ZNF43: variants seen among roughly 807,000 people sequenced by gnomAD.
ZNF43 encodes zinc finger protein 43.
ZNF43 carries 44 observed loss-of-function variants against 68.4 expected under a neutral mutation model. The ratio of observed to expected loss-of-function variants is 0.64; its 90% CI spans 0.51 to 0.83. ZNF43 has a LOEUF of 0.83. Among genes scored for constraint, ZNF43 ranks in the 40% least tolerant of loss-of-function variants. The probability of loss-of-function intolerance (pLI) is 0.00; values close to 1 mark genes in which losing one functional copy is unlikely to be tolerated. For synonymous variants in ZNF43, 308 were observed against 307.8 expected, an observed-to-expected ratio of 1.00 and a Z score of -0.01; for missense variants, 896 against 933.2, an observed-to-expected ratio of 0.96 and a Z score of 0.52.
intron 1 of ZNF43, among the ~76,000 whole-genome samples, chr19:21,834,335 CA>C (rs34305940): frequency 0.41 from 35,392 of 86,282 alleles, 4,126 homozygotes; most frequent in African/African-American, 0.46. Flanking sequence ...AACACTGTCT[CA>C]AAAAAAAAAA....
At chr19:21,844,862 A>G (rs1967797526) in intron 1 of ZNF43, among the ~76,000 whole-genome samples, 1 of 131,628 alleles carries the variant, frequency 7.6e-6, no homozygotes, top group African/African-American at 2.9e-5. Flanking sequence ...GCTCCACTGC[A>G]CTCCAGCCTG....
At position 21,807,971 on chromosome 19, in the gene ZNF43, A is replaced by C; in HGVS notation, c.2066T>G (p.Leu689Arg). ...CTTATGTGTAGAAAGGGTTGAGGACAGTTTAAAAGCTTTGCCACATTCTTC... is the reference window on the plus strand; with the variant it reads ...CTTATGTGTAGAAAGGGTTGAGGACCGTTTAAAAGCTTTGCCACATTCTTC... ...KCEECGKAFK[L>R]SSTLSTHKII... Residue 689 changes from leucine (L) to arginine (R), a missense_variant, in exon 4 of 4, where the codon CTG becomes CGG. Coordinates refer to ENST00000354959, the MANE Select transcript of ZNF43 (RefSeq NM_003423.4). The C allele has an allele frequency of 1.3e-6, 2 of 1,598,314 alleles. No individual in the cohort carries two copies. Among genetic ancestry groups the C allele is most frequent in the Non-Finnish European group, 8.5e-7 (1 of 1,175,076 alleles).
At chr19:21,836,729 C>T (rs1967127831), upstream of ZNF43, among the ~76,000 whole-genome samples, 2 of 152,108 alleles carry the variant, frequency 1.3e-5, no homozygotes, top group Non-Finnish European at 2.9e-5. Context: ...GGACCACTGG[C>T]ATGTGGCCCC....
upstream of ZNF43, chr19:21,838,160 A>T (rs933878203): frequency 6.6e-6 from 1 of 152,178 alleles, no homozygotes; most frequent in Non-Finnish European, 1.5e-5. Flanking sequence ...CTAATTGTAA[A>T]GAAAGTATGT....
At position 21,807,570 on chromosome 19, in the gene ZNF43, C is replaced by G; in HGVS notation, c.*37G>C. 6.7e-7 allele frequency: 1 copy of G among 1,485,766 alleles called. No individual in the cohort carries two copies. 92.0% of individuals were successfully genotyped at this position (1,485,766 alleles called of 1,614,324 possible). A position where few individuals can be genotyped will look rare whatever the true frequency, so the allele number is the denominator to read the frequency against. ...TGACAACCATGTAAAGCCTTTATCA[C>G]ATTCTTTACATTTCTAGAATTTCTC... On this transcript the variant is annotated 3_prime_UTR_variant, in exon 4 of 4. Coordinates refer to ENST00000354959, the MANE Select transcript of ZNF43 (RefSeq NM_003423.4).
chr19:21,808,560 G>C lies in ZNF43; in HGVS notation c.1477C>G (p.Arg493Gly). 6.2e-7 allele frequency: 1 copy of C among 1,612,436 alleles called. No homozygotes were observed. The highest frequency in any genetic ancestry group is 8.5e-7 in the Non-Finnish European group (1 of 1,179,664). Reference protein sequence around the residue: ...KCEECGKAFSRSSNLTKHKKI... With the variant: ...KCEECGKAFSGSSNLTKHKKI... Reference sequence around the variant, plus strand: ...TTATGTTTAGTAAGGTTTGAGGACCGGCTAAAAGCTTTGCCACATTCTTCA... The same window carrying C: ...TTATGTTTAGTAAGGTTTGAGGACCCGCTAAAAGCTTTGCCACATTCTTCA... The change falls in exon 4 of 4, where the codon CGG (arginine) becomes GGG (glycine). Residue 493 changes from arginine (R) to glycine (G), a missense_variant. Transcript: ENST00000354959.
Position 21,807,684 on chromosome 19 carries a change from T to C in ZNF43, c.2353A>G (p.Thr785Ala). 1 of 1,608,972 alleles carries C rather than the reference T, an allele frequency of 6.2e-7. No homozygotes were observed. The highest frequency in any genetic ancestry group is 2.2e-5 in the East Asian group (1 of 44,742). ...SNLTTHNKIH[T>A]GEKLYKPEDV... ...TCAGGTTTGTAGAGTTTCTCTCCAG[T>C]ATGAATTTTGTTATGTGTAGTAAGG... is the stretch of plus-strand genomic sequence containing the variant. Residue 785 changes from threonine (T) to alanine (A), a missense_variant, in exon 4 of 4, where the codon ACT becomes GCT. By Grantham distance (58) the Thr-to-Ala change is moderately conservative. Transcript: ENST00000354959.
At chr19:21,844,988 A>G (rs1317159069) in intron 1 of ZNF43, among the ~76,000 whole-genome samples, 1 of 143,806 alleles carries the variant, frequency 7.0e-6, no homozygotes, top group African/African-American at 2.6e-5. Context: ...AAGAGTGAGC[A>G]GGAGAGTCAC....
Position 21,805,377 on chromosome 19 carries a change from T to TAGTG in ZNF43, c.*2229_*2230insCACT, listed in dbSNP as rs1446919565. The TAGTG allele has an allele frequency of 6.6e-6, 1 of 152,170 alleles. No homozygotes were observed. Among genetic ancestry groups the TAGTG allele is most frequent in the Non-Finnish European group, 1.5e-5 (1 of 68,174 alleles). The allele number at this position is 152,170 out of a possible 1,614,324, so 9.4% of individuals were successfully genotyped here. Reference sequence around the variant, plus strand: ...TATTCGGGAGGCTGAGGCAGGAGAATCACTTGAACCGGGGAGGTGGGGGTT... The same window carrying TAGTG: ...TATTCGGGAGGCTGAGGCAGGAGAATAGTGCACTTGAACCGGGGAGGTGGGGGTT... On this transcript the variant is annotated 3_prime_UTR_variant, in exon 4 of 4. Coordinates refer to ENST00000354959, the MANE Select transcript of ZNF43 (RefSeq NM_003423.4).
chr19:21,847,974 C>T (rs919249201), intron 1 of ZNF43, among the ~76,000 whole-genome samples: 10 of 152,032 alleles, frequency 6.6e-5, no homozygotes, highest in Admixed American at 4.6e-4. Flanking sequence ...AGGCACACAC[C>T]ACCATGCCCG....
chr19:21,832,618 T>TCATGCCTGTAATCCCAG (rs59728967), intron 1 of ZNF43, among the ~76,000 whole-genome samples: 64,588 of 151,936 alleles, frequency 0.43, 14,834 homozygotes, highest in African/African-American at 0.61. Flanking sequence ...GCGCAGTGGC[T>TCATGCCTGTAATCCCAG]CACTTTAGGA....
chr19:21,818,945 C>A (rs1002210046), intron 2 of ZNF43, 150 bp downstream of exon 2: 15 of 1,061,368 alleles, frequency 1.4e-5, no homozygotes, highest in African/African-American at 1.0e-4. Flanking sequence ...GAAAAAAATT[C>A]TTTAGTGCGC....
Position 21,809,304 on chromosome 19 carries a change from G to C in ZNF43, c.733C>G (p.Leu245Val). 2 of 1,613,414 alleles carry C rather than the reference G, an allele frequency of 1.2e-6. No individual in the cohort carries two copies. Among genetic ancestry groups the C allele is most frequent in the Non-Finnish European group, 1.7e-6 (2 of 1,179,824 alleles). ...CGKVFNWSSR[L>V]TTHKKNYTRY... ...GTATAATTTTTTTTATGTGTAGTAA[G>C]GCGTGAGGACCAATTAAAGACTTTG... The change falls in exon 4 of 4, where the codon CTT (leucine) becomes GTT (valine). Residue 245 changes from leucine (L) to valine (V), a missense_variant. Transcript: ENST00000354959.
chr19:21,816,042 CAG>C (rs1482764036), intron 3 of ZNF43, among the ~76,000 whole-genome samples: 1 of 147,668 alleles, frequency 6.8e-6, no homozygotes, highest in Non-Finnish European at 1.5e-5. Context: ...GCCTGGGCAA[CAG>C]AGCGAGACTC....
chr19:21,843,303 C>A (rs150578452), intron 1 of ZNF43: 2 of 914,794 alleles, frequency 2.2e-6, no homozygotes, highest in African/African-American at 3.6e-5. Context: ...ACATTCTGAG[C>A]AGAGGTATGT....
intron 3 of ZNF43, among the ~76,000 whole-genome samples, chr19:21,814,487 G>A (rs2037427525): frequency 6.6e-6 from 1 of 150,646 alleles, no homozygotes. Context: ...CTGGCTCACT[G>A]CAATCTCCAC....
intron 1 of ZNF43, among the ~76,000 whole-genome samples, chr19:21,821,441 T>C (rs573328375): frequency 4.5e-4 from 69 of 152,320 alleles, no homozygotes; most frequent in African/African-American, 1.6e-3. Flanking sequence ...TATATCCTGA[T>C]AGTATTTTTC....
intron 1 of ZNF43, among the ~76,000 whole-genome samples, chr19:21,846,226 A>G (rs1481991936): frequency 6.6e-6 from 1 of 152,200 alleles, no homozygotes; most frequent in Non-Finnish European, 1.5e-5. Flanking sequence ...GGAGAGTCAC[A>G]TCGCATGGGT....
upstream of ZNF43, among the ~76,000 whole-genome samples, chr19:21,839,446 A>C (rs1425925234): frequency 6.6e-6 from 1 of 151,972 alleles, no homozygotes; most frequent in Non-Finnish European, 1.5e-5. Flanking sequence ...GTCACATCAC[A>C]TAAGTGCTTG....
Sources: allele counts gnomAD v4.1 joint callset (sites outside exome capture counted in the v4.1 genomes callset), GRCh38; gene constraint gnomAD v4.1.1; transcripts MANE v1.5; gene names NCBI Gene and HGNC (gene_info 2026-07-23, HGNC 2026-07-21).